Variants in KCNIP4 observed in about 807,000 individuals in gnomAD.
The protein encoded by KCNIP4 is potassium voltage-gated channel interacting protein 4.
KCNIP4 carries 12 observed loss-of-function variants against 34.0 expected under a neutral mutation model. The ratio of observed to expected loss-of-function variants is 0.35; its 90% CI spans 0.23 to 0.57. KCNIP4 has a LOEUF of 0.57. KCNIP4 is among the 20% of genes least tolerant of loss of function. KCNIP4 has a pLI of 0.83. For missense variants in KCNIP4, 238 were observed against 311.7 expected, an observed-to-expected ratio of 0.76 and a Z score of 1.78; for synonymous variants, 124 against 102.2, an observed-to-expected ratio of 1.21 and a Z score of -1.29.
At chr4:21,620,232 G>C (rs908007965) in intron 1 of KCNIP4, among the ~76,000 whole-genome samples, 2 of 152,210 alleles carry the variant, frequency 1.3e-5, no homozygotes. Context: ...GCCAGGCGTG[G>C]TGGCTCATGC....
chr4:20,806,369 G>C (rs867061143), intron 3 of KCNIP4, among the ~76,000 whole-genome samples: 14 of 151,634 alleles, frequency 9.2e-5, no homozygotes, highest in Admixed American at 2.0e-4. Flanking sequence ...CTATGTTCTT[G>C]CTTTACAGAG....
At chr4:21,562,597 CAT>C (rs942817399) in intron 1 of KCNIP4, among the ~76,000 whole-genome samples, 15 of 152,128 alleles carry the variant, frequency 9.9e-5, no homozygotes, top group African/African-American at 2.4e-4. Context: ...ATAAAGAACA[CAT>C]GTTTATTGCA....
chr4:21,468,168 AAGAG>A (rs1410358378), intron 1 of KCNIP4, among the ~76,000 whole-genome samples: 1 of 152,112 alleles, frequency 6.6e-6, no homozygotes, highest in Non-Finnish European at 1.5e-5. Context: ...TAAAGTCAAA[AAGAG>A]AGAATAAAGC....
chr4:21,128,774 A>G (rs970873583), intron 1 of KCNIP4, among the ~76,000 whole-genome samples: 3 of 152,206 alleles, frequency 2.0e-5, no homozygotes, highest in Non-Finnish European at 2.9e-5. Flanking sequence ...ATTATGTGCT[A>G]TTTCTTACAT....
intron 1 of KCNIP4, among the ~76,000 whole-genome samples, chr4:20,998,912 A>G (rs913833777): frequency 6.6e-6 from 1 of 152,230 alleles, no homozygotes; most frequent in Non-Finnish European, 1.5e-5. Flanking sequence ...AGTGCCCAAC[A>G]TTGATGCAGG....
chr4:21,250,218 A>T (rs1374205231), intron 1 of KCNIP4, among the ~76,000 whole-genome samples: 3 of 7,042 alleles, frequency 4.3e-4, no homozygotes, highest in African/African-American at 6.9e-4. Context: ...TAGGACTGTT[A>T]AAAAAAAAAA....
At chr4:21,332,314 G>C (rs1427707131) in intron 1 of KCNIP4, among the ~76,000 whole-genome samples, 1 of 150,442 alleles carries the variant, frequency 6.6e-6, no homozygotes, top group African/African-American at 2.5e-5. Flanking sequence ...ATTGTTAGAA[G>C]AATGAAACAT....
At chr4:21,383,498 C>CAAAAAAAA (rs58025914) in intron 1 of KCNIP4, among the ~76,000 whole-genome samples, 1 of 114,098 alleles carries the variant, frequency 8.8e-6, no homozygotes, top group Non-Finnish European at 1.8e-5. Flanking sequence ...AGTAGCAAGA[C>CAAAAAAAA]AAAAAAAAAA....
intron 3 of KCNIP4, among the ~76,000 whole-genome samples, chr4:20,793,610 C>T (rs1713062030): frequency 6.6e-6 from 1 of 152,038 alleles, no homozygotes; most frequent in African/African-American, 2.4e-5. Flanking sequence ...ACACTTTTTC[C>T]ACGGATGGGG....
rs187711089 is a variant in KCNIP4 at position 21,001,082 on chromosome 4, T to C, written c.62-118373A>G. On this transcript the variant is annotated intron_variant, in intron 1 of 8. Transcript: ENST00000382152. ...CAGCTTTATTCATGATTCCCAGCAC[T>C]GAGAACAGATTTGACATGTAGTAGG... 1.8e-4 allele frequency among the ~76,000 whole-genome samples: 28 copies of C among 152,316 alleles called. No individual in the cohort carries two copies. The South Asian group carries it at 2.7e-3, about 15-fold the overall frequency.
At chr4:21,851,596 G>A (rs1724399327) in intron 1 of KCNIP4, 2 of 151,990 alleles carry the variant, frequency 1.3e-5, no homozygotes, top group Non-Finnish European at 2.9e-5. Context: ...ATACAAACAC[G>A]GGCTTGTGTG....
intron 1 of KCNIP4, among the ~76,000 whole-genome samples, chr4:21,015,446 T>C (rs1268608674): frequency 2.2e-5 from 3 of 138,948 alleles, no homozygotes; most frequent in African/African-American, 8.2e-5. Context: ...ATAATATATA[T>C]ATTATATCAT....
chr4:20,789,887 A>T (rs1712504686), intron 3 of KCNIP4, among the ~76,000 whole-genome samples: 2 of 152,066 alleles, frequency 1.3e-5, no homozygotes, highest in Admixed American at 1.3e-4. Context: ...TTTGTTATAC[A>T]GCAAAAGCTA....
chr4:21,690,089 C>CATATATATGTATATATATACATATATT (rs1751146741), intron 1 of KCNIP4, among the ~76,000 whole-genome samples: 2 of 147,282 alleles, frequency 1.4e-5, no homozygotes, highest in Non-Finnish European at 3.0e-5. Flanking sequence ...TGCAAATATA[C>CATATATATGTATATATATACATATATT]ATATATATGT....
chr4:20,984,101 G>A, intron 1 of KCNIP4: 1 of 947,518 alleles, frequency 1.1e-6, no homozygotes, highest in Non-Finnish European at 1.5e-6. Flanking sequence ...ACAGACCTGG[G>A]CTAAAGTCCA....
At chr4:21,837,181 T>G (rs969747724) in intron 1 of KCNIP4, among the ~76,000 whole-genome samples, 7 of 66 alleles carry the variant, frequency 0.11, no homozygotes, top group African/African-American at 0.17. Flanking sequence ...CCTCCCAAAG[T>G]GCTGGGAATT....
chr4:20,769,924 G>A (rs770650888), intron 3 of KCNIP4, among the ~76,000 whole-genome samples: 11 of 152,144 alleles, frequency 7.2e-5, no homozygotes, highest in African/African-American at 2.7e-4. Context: ...TAAAGGACTC[G>A]TGTGATTAGA....
chr4:21,247,982 TACAC>T lies in KCNIP4; in HGVS notation c.62-365277_62-365274del, dbSNP rs571498756. 2.7e-4 allele frequency among the ~76,000 whole-genome samples: 28 copies of T among 105,086 alleles called. No individual in the cohort carries two copies. The South Asian group carries it at 4.4e-3, about 17-fold the overall frequency. The allele number at this position is 105,086 out of a possible 152,430, so 68.9% of individuals were successfully genotyped here. A position where few individuals can be genotyped will look rare whatever the true frequency, so the allele number is the denominator to read the frequency against. On this transcript the variant is annotated intron_variant, in intron 1 of 8. Transcript: ENST00000382152. The stretch of plus-strand genomic sequence containing the variant: ...ATATATATACACACACATATATATA[TACAC>T]ACACACACACACACACACCCCCCAC...
At chr4:21,654,522 C>A (rs1186140622) in intron 1 of KCNIP4, among the ~76,000 whole-genome samples, 1 of 151,560 alleles carries the variant, frequency 6.6e-6, no homozygotes, top group Non-Finnish European at 1.5e-5. Context: ...CTAAAGATAC[C>A]TAAAGTTGTT....
Sources: allele counts gnomAD v4.1 joint callset (sites outside exome capture counted in the v4.1 genomes callset), GRCh38; gene constraint gnomAD v4.1.1; transcripts MANE v1.5; gene names NCBI Gene and HGNC (gene_info 2026-07-23, HGNC 2026-07-21).